Variants in PCTP observed in about 807,000 individuals in gnomAD.
PCTP encodes the protein START domain-containing protein 2.
PCTP carries 27 observed loss-of-function variants against 31.0 expected under a neutral mutation model. That is an observed-to-expected ratio of 0.87 (90% CI 0.64 to 1.20). The LOEUF (loss-of-function observed/expected upper bound fraction) is 1.20, where lower values mean the gene tolerates loss of function less well. Among genes scored for constraint, PCTP ranks in the 50% most tolerant of loss-of-function variants. PCTP has a pLI of 0.00. For synonymous variants in PCTP, 108 were observed against 101.2 expected (o/e 1.07, Z -0.40); for missense variants, 287 against 268.2 (o/e 1.07, Z -0.49).
At chr17:55,756,873 G>A (rs115699688) in intron 1 of PCTP, among the ~76,000 whole-genome samples, 3,585 of 152,194 alleles carry the variant, frequency 0.024, 139 homozygotes, top group African/African-American at 0.075. Context: ...TTTCCAGGAG[G>A]AGCCAGGAGG....
intron 3 of PCTP, among the ~76,000 whole-genome samples, chr17:55,807,629 A>G (rs1485806331): frequency 6.6e-6 from 1 of 152,190 alleles, no homozygotes; most frequent in African/African-American, 2.4e-5. Context: ...TAAAGCTTTA[A>G]TATGAAGTCA....
At chr17:55,762,183 A>G (rs1421222763) in intron 1 of PCTP, among the ~76,000 whole-genome samples, 1 of 152,194 alleles carries the variant, frequency 6.6e-6, no homozygotes, top group Non-Finnish European at 1.5e-5. Context: ...GAGGGACTGT[A>G]TGCTGGCTCA....
At chr17:55,769,095 T>C (rs1423609728) in intron 2 of PCTP, 2 of 152,274 alleles carry the variant, frequency 1.3e-5, no homozygotes, top group Admixed American at 1.3e-4. Context: ...TTTTCTTCTG[T>C]GTTGACCTAA....
At chr17:55,764,205 T>G (rs1213677823) in intron 1 of PCTP, among the ~76,000 whole-genome samples, 2 of 152,186 alleles carry the variant, frequency 1.3e-5, no homozygotes, top group African/African-American at 4.8e-5. Context: ...GCTAACTTAT[T>G]TAAAGGTTGG....
At chr17:55,825,365 A>C (rs1453682245), downstream of PCTP, among the ~76,000 whole-genome samples, 1 of 152,256 alleles carries the variant, frequency 6.6e-6, no homozygotes, top group Non-Finnish European at 1.5e-5. Flanking sequence ...TGCTTGAAAT[A>C]GAGAAGCAAA....
At chr17:55,751,684 G>C (rs1909726644) in intron 1 of PCTP, among the ~76,000 whole-genome samples, 1 of 152,198 alleles carries the variant, frequency 6.6e-6, no homozygotes, top group Admixed American at 6.5e-5. Flanking sequence ...TCAAGGACTG[G>C]ATGTGCAGGG....
chr17:55,808,427 G>A (rs1206294670), intron 3 of PCTP, among the ~76,000 whole-genome samples: 1 of 152,144 alleles, frequency 6.6e-6, no homozygotes, highest in East Asian at 1.9e-4. Flanking sequence ...ATCCATGTTG[G>A]CTCAGTCTTT....
rs1423510487 is a variant in PCTP at position 55,751,180 on chromosome 17, C to G, written c.77C>G (p.Ala26Gly). 1 of 1,548,774 alleles carries G rather than the reference C, an allele frequency of 6.5e-7. No individual in the cohort carries two copies. The highest frequency in any genetic ancestry group is 1.2e-5 in the South Asian group (1 of 83,930). Residue 26 changes from alanine to glycine, a missense_variant, in exon 1 of 6, where the codon GCC becomes GGC. By Grantham distance (60) the Ala-to-Gly change is moderately conservative (BLOSUM62 0). Coordinates refer to ENST00000268896, the MANE Select transcript of PCTP (RefSeq NM_021213.4). ...GCCGAGCTCCAGCAGCCCGCTCTGG[C>G]CGGGGCCGACTGGCAGCTCCTAGTG... ...ACAELQQPAL[A>G]GADWQLLVET...
the PCTP span, among the ~76,000 whole-genome samples, chr17:55,848,940 A>T: frequency 2.7e-5 from 4 of 150,026 alleles, no homozygotes; most frequent in African/African-American, 4.8e-5. Context: ...TGGAATAAAT[A>T]AAAAAAAATA....
intron 5 of PCTP, among the ~76,000 whole-genome samples, chr17:55,841,699 G>A (rs768305664): frequency 6.6e-6 from 1 of 152,124 alleles, no homozygotes; most frequent in Non-Finnish European, 1.5e-5. Flanking sequence ...AGACTATCCT[G>A]CATTTCCTGG....
chr17:55,806,300 T>A (rs1370620490), intron 3 of PCTP, among the ~76,000 whole-genome samples: 1 of 152,134 alleles, frequency 6.6e-6, no homozygotes, highest in African/African-American at 2.4e-5. Context: ...CTGGAGGTAC[T>A]GGTTCTTACT....
chr17:55,832,668 G>A (rs1343917040), intron 5 of PCTP, among the ~76,000 whole-genome samples: 2 of 152,186 alleles, frequency 1.3e-5, no homozygotes, highest in Non-Finnish European at 2.9e-5. Context: ...AATCCCTAAT[G>A]CTATGGCTGA....
chr17:55,751,283 T>A, intron 1 of PCTP, 39 bp downstream of exon 1: 1 of 1,521,988 alleles, frequency 6.6e-7, no homozygotes, highest in Non-Finnish European at 8.8e-7. Context: ...GGGCCTAGAA[T>A]GCGCCGGGGT....
downstream of PCTP, among the ~76,000 whole-genome samples, chr17:55,846,067 A>G (rs1264539310): frequency 6.6e-6 from 1 of 152,064 alleles, no homozygotes; most frequent in East Asian, 1.9e-4. Context: ...CATTAAGTAA[A>G]TTCTAAGGTC....
intron 3 of PCTP, among the ~76,000 whole-genome samples, chr17:55,771,621 C>T (rs1254085775): frequency 2.0e-5 from 3 of 152,212 alleles, no homozygotes; most frequent in Non-Finnish European, 4.4e-5. Flanking sequence ...CAGGCCTCTG[C>T]ATTTCCAGCT....
rs535396131 is a variant in PCTP at position 55,776,361 on chromosome 17, C to T, written c.*261C>T. On this transcript the variant is annotated 3_prime_UTR_variant, in exon 6 of 6. Transcript: ENST00000268896. The stretch of plus-strand genomic sequence containing the variant: ...CCATCCTGGGCTGGGCTGCCTTCTT[C>T]TACAGTTCAATATGGGGCAGACTAG... 25 of 1,335,960 alleles carry T rather than the reference C, an allele frequency of 1.9e-5. No individual in the cohort carries two copies. The highest frequency in any genetic ancestry group is 2.4e-5 in the Non-Finnish European group (25 of 1,047,794). The allele number at this position is 1,335,960 out of a possible 1,614,324, so 82.8% of individuals were successfully genotyped here.
At chr17:55,818,100 AG>A (rs2145057960) in intron 3 of PCTP, among the ~76,000 whole-genome samples, 1 of 152,328 alleles carries the variant, frequency 6.6e-6, no homozygotes, top group South Asian at 2.1e-4. Flanking sequence ...AACGAATCCA[AG>A]GTTGGGTCTC....
At chr17:55,850,582 C>T in the PCTP span, among the ~76,000 whole-genome samples, 5 of 148,588 alleles carry the variant, frequency 3.4e-5, no homozygotes, top group Non-Finnish European at 7.4e-5. Context: ...GGCTAATTCC[C>T]GTCCTAGCAT....
chr17:55,819,277 T>A (rs1474610419), intron 3 of PCTP, among the ~76,000 whole-genome samples: 1 of 152,052 alleles, frequency 6.6e-6, no homozygotes, highest in Non-Finnish European at 1.5e-5. Flanking sequence ...ACACTCCTTT[T>A]CAAAATTGTG....
Sources: gnomAD v4.1 joint callset for allele counts (sites outside exome capture counted in the v4.1 genomes callset) on GRCh38, gnomAD v4.1.1 for gene constraint, MANE v1.5 for transcripts, NCBI Gene and HGNC (gene_info 2026-07-23, HGNC 2026-07-21) for gene names.